C16orf89: variants seen among roughly 807,000 people sequenced by gnomAD.
C16orf89 encodes UPF0764 protein C16orf89.
A neutral mutation model predicts 41.5 loss-of-function variants in C16orf89; 57 were observed. The observed-to-expected ratio is 1.38, with a 90% CI of 1.11 to 1.71. C16orf89 has a LOEUF of 1.71. C16orf89 is among the 40% of genes most tolerant of loss of function. C16orf89 has a pLI of 0.00. For synonymous variants in C16orf89, 223 were observed against 190.6 expected (o/e 1.17, Z -1.40); for missense variants, 575 against 445.9 (o/e 1.29, Z -2.61).
intron 7 of C16orf89, among the ~76,000 whole-genome samples, chr16:5,047,428 T>C (rs1041960943): frequency 3.9e-5 from 6 of 152,092 alleles, no homozygotes; most frequent in African/African-American, 1.4e-4. Context: ...TATGCTCCTT[T>C]AACAAAAGAC....
rs1419838774 is a variant in C16orf89 at position 5,065,720 on chromosome 16, C to T, written c.189G>A (p.Val63=). The change falls in exon 1 of 8, where the codon GTG becomes GTA. Residue 63 remains valine (V), a synonymous_variant. Coordinates refer to ENST00000472572, the MANE Select transcript of C16orf89 (RefSeq NM_001098514.3). The part of the protein sequence containing the change: ...RLPEINLDGM[V]GVRVLEEQLK... ...ACTCACCTTCCAGCACTCGGACCCC[C>T]ACCATGCCATCCAGGTTGATTTCAG... is the stretch of plus-strand genomic sequence containing the variant. 8.1e-6 allele frequency: 13 copies of T among 1,613,694 alleles called. No homozygotes were observed. Among genetic ancestry groups the T allele is most frequent in the African/African-American group, 2.7e-5 (2 of 74,924 alleles).
chr16:5,051,975 TG>T (rs1405250291), intron 6 of C16orf89, among the ~76,000 whole-genome samples: 3 of 150,630 alleles, frequency 2.0e-5, no homozygotes, highest in Non-Finnish European at 4.4e-5. Flanking sequence ...TGGTGGTGGG[TG>T]GCTGTAATCC....
downstream of C16orf89, chr16:5,043,976 A>G: frequency 3.3e-6 from 1 of 306,244 alleles, no homozygotes; most frequent in Non-Finnish European, 4.8e-6. Flanking sequence ...CCTAGGTGAC[A>G]GAGCAGGACC....
At chr16:5,061,299 C>T (rs898213308) in intron 2 of C16orf89, among the ~76,000 whole-genome samples, 8 of 138,668 alleles carry the variant, frequency 5.8e-5, no homozygotes, top group African/African-American at 8.2e-5. Flanking sequence ...GGCGTGGTGG[C>T]GCATGCCTGT....
intron 5 of C16orf89, chr16:5,055,603 T>C (rs896990711): frequency 7.3e-7 from 1 of 1,375,302 alleles, no homozygotes. Flanking sequence ...TGGAGGAGTT[T>C]GGACACCCCA....
downstream of C16orf89, chr16:5,042,774 A>C (rs1018419285): frequency 5.3e-5 from 8 of 152,280 alleles, no homozygotes; most frequent in Admixed American, 2.6e-4. The surrounding 1 kb of genome is among the most constrained non-coding windows in gnomAD (Gnocchi z 4.2). Context: ...ACCCATCATA[A>C]TGTCCCAGAA....
At chr16:5,050,841 A>G (rs922474698) in intron 6 of C16orf89, among the ~76,000 whole-genome samples, 3 of 152,236 alleles carry the variant, frequency 2.0e-5, no homozygotes, top group Non-Finnish European at 2.9e-5. Flanking sequence ...CATTTTAAAA[A>G]AAATCATTCA....
At position 5,046,507 on chromosome 16, in the gene C16orf89, C is replaced by T. The variant is rs537915995; in HGVS notation, c.955+1371G>A. The stretch of plus-strand genomic sequence containing the variant: ...GCGGGATTACAGGCATGCACCACCA[C>T]GCCTGGCTAATTTTTGCATTTTTAG... On this transcript the variant is annotated intron_variant, in intron 7 of 7. Coordinates refer to ENST00000472572, the MANE Select transcript of C16orf89 (RefSeq NM_001098514.3). Among the ~76,000 whole-genome samples the T allele has an allele frequency of 5.3e-5, 8 of 152,024 alleles. No homozygotes were observed. In the South Asian group the frequency reaches 6.2e-4, roughly 12 times the overall value.
At chr16:5,062,848 A>T (rs1956657488) in intron 1 of C16orf89, among the ~76,000 whole-genome samples, 2 of 152,100 alleles carry the variant, frequency 1.3e-5, no homozygotes, top group Admixed American at 1.3e-4. Flanking sequence ...TTGATACTTG[A>T]GGTTCAAATC....
At chr16:5,056,930 C>G (rs1464321376) in intron 4 of C16orf89, among the ~76,000 whole-genome samples, 1 of 152,028 alleles carries the variant, frequency 6.6e-6, no homozygotes, top group Non-Finnish European at 1.5e-5. Context: ...ATAATGAACC[C>G]TACCTTTCTG....
intron 6 of C16orf89, among the ~76,000 whole-genome samples, chr16:5,050,543 C>G (rs1007675508): frequency 1.3e-5 from 2 of 152,196 alleles, no homozygotes; most frequent in African/African-American, 4.8e-5. Context: ...AGCTTCACTG[C>G]TGAATTTTAC....
At chr16:5,051,689 A>T (rs981371364) in intron 6 of C16orf89, among the ~76,000 whole-genome samples, 1 of 152,226 alleles carries the variant, frequency 6.6e-6, no homozygotes, top group Admixed American at 6.5e-5. Context: ...AGAAAAAAAA[A>T]TCCTAAAATT....
chr16:5,058,648 G>C, intron 3 of C16orf89, 38 bp from the exon 4 acceptor site: 1 of 1,509,010 alleles, frequency 6.6e-7, no homozygotes, highest in Non-Finnish European at 9.1e-7. Flanking sequence ...AGGATGGAGC[G>C]CTGACTCTGC....
rs780791103 is a variant in C16orf89, at chr16:5,047,976, G to A, written c.869-12C>T. 4 of 1,428,890 alleles carry A rather than the reference G, an allele frequency of 2.8e-6. No individual in the cohort carries two copies. In the African/African-American group the frequency reaches 5.6e-5, roughly 20 times the overall value. The allele number at this position is 1,428,890 out of a possible 1,614,324, so 88.5% of individuals were successfully genotyped here. On this transcript the variant is annotated splice_polypyrimidine_tract_variant and intron_variant, in intron 6 of 7. Transcript: ENST00000472572. Reference sequence around the variant, plus strand: ...TTCATCTTCAGCATCTGGGAGAAGAGCAAAAGTTGAACTTCTCAAGAGAGA... The same window carrying A: ...TTCATCTTCAGCATCTGGGAGAAGAACAAAAGTTGAACTTCTCAAGAGAGA...
intron 6 of C16orf89, among the ~76,000 whole-genome samples, chr16:5,049,623 T>G (rs1407136721): frequency 6.6e-6 from 1 of 152,128 alleles, no homozygotes; most frequent in Admixed American, 6.6e-5. Flanking sequence ...ATGAAGAAAT[T>G]AAGATGAACA....
intron 3 of C16orf89, among the ~76,000 whole-genome samples, chr16:5,059,627 G>A (rs1956575705): frequency 6.6e-6 from 1 of 152,144 alleles, no homozygotes; most frequent in Non-Finnish European, 1.5e-5. Context: ...CATGGGCCCT[G>A]CACCTAGGGC....
chr16:5,052,094 T>G (rs1167609406), intron 6 of C16orf89, among the ~76,000 whole-genome samples: 1 of 94,332 alleles, frequency 1.1e-5, no homozygotes, highest in Non-Finnish European at 2.0e-5. Context: ...AGAACGAGAC[T>G]GTCTCAAAAA....
At chr16:5,065,537 A>G (rs1956721790) in intron 1 of C16orf89, among the ~76,000 whole-genome samples, 164 bp downstream of exon 1, 1 of 152,224 alleles carries the variant, frequency 6.6e-6, no homozygotes, top group Non-Finnish European at 1.5e-5. Flanking sequence ...GCTGGGCCAC[A>G]GCCGCCAGGA....
Position 5,058,618 on chromosome 16 carries a change from A to T in C16orf89, c.510-8T>A. ...GGCTCGCTGCTGTCCGTCCTGGGGGAAAGTGGTTCCAAGCTGTTAAGGATG... is the reference window on the plus strand; with the variant it reads ...GGCTCGCTGCTGTCCGTCCTGGGGGTAAGTGGTTCCAAGCTGTTAAGGATG... On this transcript the variant is annotated splice_region_variant and splice_polypyrimidine_tract_variant and intron_variant, in intron 3 of 7. Transcript: ENST00000472572. 1 of 1,601,376 alleles carries T rather than the reference A, an allele frequency of 6.2e-7. No individual in the cohort carries two copies. Among genetic ancestry groups the T allele is most frequent in the Non-Finnish European group, 8.5e-7 (1 of 1,170,834 alleles).
Sources: gnomAD v4.1 joint callset for allele counts (sites outside exome capture counted in the v4.1 genomes callset) on GRCh38, gnomAD v4.1.1 for gene constraint, Gnocchi (gnomAD v3.1) non-coding constraint, MANE v1.5 for transcripts, NCBI Gene and HGNC (gene_info 2026-07-23, HGNC 2026-07-21) for gene names.